The following CTNNA3 variants were observed in gnomAD, a reference collection of about 807,000 sequenced individuals.
The protein encoded by CTNNA3 is catenin alpha-3.
A neutral mutation model predicts 95.7 loss-of-function variants in CTNNA3; 76 were observed. The observed-to-expected ratio is 0.79, with a 90% CI of 0.66 to 0.96. The LOEUF is 0.96. Ranked by LOEUF, CTNNA3 falls within the 40% of genes least tolerant of loss-of-function variation. The probability of loss-of-function intolerance (pLI) is 0.00; values close to 1 mark genes in which losing one functional copy is unlikely to be tolerated. For missense variants in CTNNA3, 1,191 were observed against 1,089.8 expected, an observed-to-expected ratio of 1.09 and a Z score of -1.31; for synonymous variants, 431 against 374.4, an observed-to-expected ratio of 1.15 and a Z score of -1.74.
intron 1 of CTNNA3, among the ~76,000 whole-genome samples, chr10:67,761,875 C>CAAA (rs56264829): frequency 1.5e-5 from 2 of 132,612 alleles, no homozygotes; most frequent in African/African-American, 5.5e-5. Context: ...AAGACTCCGT[C>CAAA]AAAAAAAAAA....
intron 5 of CTNNA3, among the ~76,000 whole-genome samples, chr10:67,389,356 G>C (rs1257519702): frequency 6.7e-6 from 1 of 149,732 alleles, no homozygotes; most frequent in African/African-American, 2.4e-5. Context: ...AACAAGAAGA[G>C]CTAACTATCC....
intron 7 of CTNNA3, among the ~76,000 whole-genome samples, chr10:66,967,369 G>GATATACATATATCTACATATGTGT (rs1256372189): frequency 1.3e-4 from 19 of 150,946 alleles, no homozygotes; most frequent in Non-Finnish European, 2.8e-4. Context: ...GATATATGTA[G>GATATACATATATCTACATATGTGT]ATATACATAT....
At chr10:67,487,463 T>C (rs1166123933) in intron 5 of CTNNA3, among the ~76,000 whole-genome samples, 1 of 151,808 alleles carries the variant, frequency 6.6e-6, no homozygotes, top group South Asian at 2.1e-4. Flanking sequence ...TCAAATCAAA[T>C]AGTCACTGAA....
chr10:66,623,539 G>T (rs962139854), intron 9 of CTNNA3, among the ~76,000 whole-genome samples: 2 of 152,026 alleles, frequency 1.3e-5, no homozygotes, highest in African/African-American at 4.8e-5. Flanking sequence ...TATATTAGCA[G>T]AATTAATTTT....
chr10:66,444,648 C>T (rs1214899348), intron 11 of CTNNA3, among the ~76,000 whole-genome samples: 4 of 152,102 alleles, frequency 2.6e-5, no homozygotes, highest in Non-Finnish European at 5.9e-5. Flanking sequence ...ACCACCAGGC[C>T]TGCCCTAAAA....
chr10:66,962,687 A>C (rs900534031), intron 7 of CTNNA3, among the ~76,000 whole-genome samples: 1 of 152,058 alleles, frequency 6.6e-6, no homozygotes, highest in African/African-American at 2.4e-5. Context: ...CTGGGATTAC[A>C]GGCGTGAGCC....
chr10:67,165,350 G>A (rs981595704), intron 7 of CTNNA3, among the ~76,000 whole-genome samples: 6 of 152,120 alleles, frequency 3.9e-5, no homozygotes, highest in Non-Finnish European at 4.4e-5. Flanking sequence ...GGTTAGGCAC[G>A]GGGCAGGGGC....
intron 11 of CTNNA3, among the ~76,000 whole-genome samples, chr10:66,455,687 C>G (rs1006546704): frequency 6.6e-6 from 1 of 152,212 alleles, no homozygotes; most frequent in Non-Finnish European, 1.5e-5. Flanking sequence ...CATGCTGCTA[C>G]TGTGGATGCT....
intron 3 of CTNNA3, among the ~76,000 whole-genome samples, chr10:67,574,437 A>G (rs1383043193): frequency 6.6e-6 from 1 of 151,776 alleles, no homozygotes; most frequent in African/African-American, 2.4e-5. Flanking sequence ...ATCATTTTTA[A>G]TTAGTGTCCT....
At chr10:66,190,491 C>T (rs887062254) in intron 13 of CTNNA3, among the ~76,000 whole-genome samples, 3 of 152,072 alleles carry the variant, frequency 2.0e-5, no homozygotes, top group Non-Finnish European at 4.4e-5. Flanking sequence ...TCTGAGTGGA[C>T]TAGATAATTA....
chr10:66,283,477 A>C (rs1313289245), intron 12 of CTNNA3, among the ~76,000 whole-genome samples: 1 of 151,832 alleles, frequency 6.6e-6, no homozygotes, highest in African/African-American at 2.4e-5. Flanking sequence ...TCATGTAAAG[A>C]TCTGTTTTTC....
intron 13 of CTNNA3, among the ~76,000 whole-genome samples, chr10:66,225,932 T>C (rs1294447793): frequency 1.3e-5 from 2 of 152,128 alleles, no homozygotes; most frequent in African/African-American, 2.4e-5. Context: ...TTTGGATATT[T>C]TGCTGTTGAC....
intron 12 of CTNNA3, among the ~76,000 whole-genome samples, chr10:66,360,647 CT>C (rs759911889): frequency 4.1e-4 from 25 of 61,532 alleles, no homozygotes; most frequent in African/African-American, 1.6e-3. Context: ...TTCTTTCTTT[CT>C]TTCTTTCTTT....
At chr10:67,668,828 GTTTCTTTTTTTTTTTTTT>G (rs1023319667) in intron 1 of CTNNA3, among the ~76,000 whole-genome samples, 2 of 131,252 alleles carry the variant, frequency 1.5e-5, no homozygotes, top group African/African-American at 5.6e-5. Flanking sequence ...GGCCTACTGT[GTTTCTTTTTTTTTTTTTT>G]TTTTTTTTTT....
At chr10:66,695,072 G>A (rs1471241233) in intron 9 of CTNNA3, among the ~76,000 whole-genome samples, 2 of 152,170 alleles carry the variant, frequency 1.3e-5, no homozygotes, top group East Asian at 3.8e-4. Context: ...TAAAGGAATT[G>A]ACCACTTTGT....
intron 5 of CTNNA3, among the ~76,000 whole-genome samples, chr10:67,246,213 G>C (rs1865902799): frequency 6.6e-6 from 1 of 152,192 alleles, no homozygotes; most frequent in African/African-American, 2.4e-5. Flanking sequence ...TCTATATGCA[G>C]AGTATTCACT....
At chr10:67,528,767 C>T (rs1270347579) in intron 4 of CTNNA3, among the ~76,000 whole-genome samples, 7 of 152,076 alleles carry the variant, frequency 4.6e-5, no homozygotes, top group Admixed American at 3.9e-4. Flanking sequence ...ATGGTGACTG[C>T]CACAAAGTAA....
At chr10:67,742,511 G>A (rs1240271778) in intron 1 of CTNNA3, among the ~76,000 whole-genome samples, 1 of 151,038 alleles carries the variant, frequency 6.6e-6, no homozygotes, top group Non-Finnish European at 1.5e-5. Flanking sequence ...AGTGTGTGGA[G>A]GGAAATTTAT....
intron 7 of CTNNA3, among the ~76,000 whole-genome samples, chr10:66,935,470 G>T (rs1847644776): frequency 6.6e-6 from 1 of 151,966 alleles, no homozygotes; most frequent in African/African-American, 2.4e-5. Context: ...AATGTGAAAG[G>T]TATAAATACT....
Sources: gnomAD v4.1 joint callset for allele counts (sites outside exome capture counted in the v4.1 genomes callset) on GRCh38, gnomAD v4.1.1 for gene constraint, MANE v1.5 for transcripts, NCBI Gene and HGNC (gene_info 2026-07-23, HGNC 2026-07-21) for gene names.